SDK1: variants seen among roughly 807,000 people sequenced by gnomAD.
SDK1 encodes sidekick cell adhesion molecule 1.
Under a neutral mutation model 245.5 loss-of-function variants are expected in SDK1, and 157 were observed. That is an observed-to-expected ratio of 0.64 (90% CI 0.56 to 0.73). SDK1 has a LOEUF of 0.73. SDK1 is among the 30% of genes least tolerant of loss of function. The pLI is 0.00. For synonymous variants in SDK1, 1,647 were observed against 1,278.5 expected (o/e 1.29, Z -6.15); for missense variants, 3,583 against 3,002.3 (o/e 1.19, Z -4.52).
intron 32 of SDK1, among the ~76,000 whole-genome samples, chr7:4,173,854 G>A (rs1782004810): frequency 6.6e-6 from 1 of 152,152 alleles, no homozygotes; most frequent in South Asian, 2.1e-4. Flanking sequence ...AGAGCAGGCC[G>A]CCTCTCGAGG....
At chr7:3,529,847 C>G (rs1310112075) in intron 1 of SDK1, among the ~76,000 whole-genome samples, 1 of 152,112 alleles carries the variant, frequency 6.6e-6, no homozygotes, top group Non-Finnish European at 1.5e-5. Flanking sequence ...GAGATGGGCA[C>G]CGCATCCTTG....
intron 44 of SDK1, among the ~76,000 whole-genome samples, chr7:4,253,838 A>G (rs563345187): frequency 6.6e-6 from 1 of 152,132 alleles, no homozygotes; most frequent in African/African-American, 2.4e-5. Flanking sequence ...TTCTTGATAT[A>G]TTTACCATTT....
chr7:4,022,423 G>A (rs1014757934), intron 17 of SDK1, among the ~76,000 whole-genome samples: 3 of 152,130 alleles, frequency 2.0e-5, no homozygotes, highest in South Asian at 2.1e-4. Flanking sequence ...GAAAGTATCC[G>A]AATGCCCGGG....
At chr7:3,612,607 A>C (rs1416746147) in intron 1 of SDK1, among the ~76,000 whole-genome samples, 2 of 152,204 alleles carry the variant, frequency 1.3e-5, no homozygotes, top group Non-Finnish European at 2.9e-5. Flanking sequence ...TTGAAAAATA[A>C]AACTTTTCGC....
intron 7 of SDK1, among the ~76,000 whole-genome samples, chr7:3,954,021 C>T (rs916185076): frequency 6.6e-6 from 1 of 152,250 alleles, no homozygotes; most frequent in East Asian, 1.9e-4. Context: ...AAGGGCCACC[C>T]GTAGGAGCAC....
intron 1 of SDK1, among the ~76,000 whole-genome samples, chr7:3,546,509 G>T (rs889750714): frequency 6.6e-6 from 1 of 152,202 alleles, no homozygotes; most frequent in African/African-American, 2.4e-5. Context: ...TTTACATTCA[G>T]AGTATACACA....
At chr7:4,222,034 C>T (rs1234060271) in intron 40 of SDK1, among the ~76,000 whole-genome samples, 2 of 152,186 alleles carry the variant, frequency 1.3e-5, no homozygotes, top group Non-Finnish European at 2.9e-5. Context: ...CAGATGGTTG[C>T]ACAGTTAATC....
chr7:3,367,692 C>T (rs1781126871), intron 1 of SDK1, among the ~76,000 whole-genome samples: 1 of 152,198 alleles, frequency 6.6e-6, no homozygotes, highest in South Asian at 2.1e-4. Flanking sequence ...CTTAACTCTT[C>T]GACCTATTTA....
chr7:3,564,910 C>G lies in SDK1; in HGVS notation c.299-54170C>G, dbSNP rs541029363. On this transcript the variant is annotated intron_variant, in intron 1 of 44. Coordinates refer to ENST00000404826, the MANE Select transcript of SDK1 (RefSeq NM_152744.4). ...ACAGTGTACATTAAAAGAGTGAAGG[C>G]AAAAATGCGATTATCTCAAGCAGTC... Among the ~76,000 whole-genome samples the G allele has an allele frequency of 2.6e-5, 4 of 151,924 alleles. No individual in the cohort carries two copies. The South Asian group carries it at 6.3e-4, about 24-fold the overall frequency.
chr7:4,028,466 G>A (rs1583874428), intron 17 of SDK1, among the ~76,000 whole-genome samples: 1 of 152,184 alleles, frequency 6.6e-6, no homozygotes. Flanking sequence ...CTGTGTCTCA[G>A]GAAACTCTGG....
chr7:3,912,155 C>T (rs757348072), intron 5 of SDK1, among the ~76,000 whole-genome samples: 6 of 152,198 alleles, frequency 3.9e-5, no homozygotes, highest in Non-Finnish European at 8.8e-5. Context: ...GGTTTAAAGC[C>T]GAGGAGCTAC....
intron 5 of SDK1, among the ~76,000 whole-genome samples, chr7:3,941,149 G>GCCT (rs1780353996): frequency 6.6e-6 from 1 of 151,998 alleles, no homozygotes; most frequent in Non-Finnish European, 1.5e-5. Flanking sequence ...AGAAGCAAGG[G>GCCT]GTCTTAGGTG....
chr7:3,395,001 T>A (rs1252313957), intron 1 of SDK1, among the ~76,000 whole-genome samples: 4 of 152,172 alleles, frequency 2.6e-5, no homozygotes, highest in African/African-American at 7.2e-5. Context: ...TTATTTGTTT[T>A]TCTTGGGTGG....
chr7:3,421,637 T>G (rs1328381277), intron 1 of SDK1, among the ~76,000 whole-genome samples: 1 of 152,194 alleles, frequency 6.6e-6, no homozygotes. Flanking sequence ...TTTTCTACAT[T>G]GCGTGAGCGT....
chr7:4,149,501 G>C, intron 30 of SDK1, 38 bp downstream of exon 30: 1 of 1,351,130 alleles, frequency 7.4e-7, no homozygotes, highest in Non-Finnish European at 9.7e-7. Flanking sequence ...GGGGAACGGG[G>C]CCCTGGCCGC....
At chr7:3,714,876 A>G (rs1785155401) in intron 4 of SDK1, among the ~76,000 whole-genome samples, 1 of 152,248 alleles carries the variant, frequency 6.6e-6, no homozygotes, top group Non-Finnish European at 1.5e-5. Context: ...AATGAAATTA[A>G]TAAATGACAC....
chr7:3,690,119 C>G (rs781474241), intron 4 of SDK1, among the ~76,000 whole-genome samples: 6 of 152,150 alleles, frequency 3.9e-5, no homozygotes, highest in Non-Finnish European at 5.9e-5. Context: ...CAGAACAGAT[C>G]GAACCTTTTG....
intron 5 of SDK1, among the ~76,000 whole-genome samples, chr7:3,825,839 G>A (rs1779761543): frequency 6.6e-6 from 1 of 152,164 alleles, no homozygotes; most frequent in East Asian, 1.9e-4. Flanking sequence ...GGAACAGGCA[G>A]ATGCCTTCCA....
chr7:4,041,237 A>T (rs1788610828), intron 17 of SDK1, among the ~76,000 whole-genome samples: 1 of 150,838 alleles, frequency 6.6e-6, no homozygotes, highest in Admixed American at 6.6e-5. Context: ...CTCTCAAGAG[A>T]GTTACCGGGT....
Sources: allele counts gnomAD v4.1 joint callset (sites outside exome capture counted in the v4.1 genomes callset), GRCh38; gene constraint gnomAD v4.1.1; transcripts MANE v1.5; gene names NCBI Gene and HGNC (gene_info 2026-07-23, HGNC 2026-07-21).